The following PRKAR2B variants were observed in gnomAD, a reference collection of about 807,000 sequenced individuals.
The protein encoded by PRKAR2B is protein kinase cAMP-dependent type II regulatory subunit beta.
A neutral mutation model predicts 49.9 loss-of-function variants in PRKAR2B; 14 were observed. The observed-to-expected ratio is 0.28, with a 90% CI of 0.19 to 0.44. The LOEUF (loss-of-function observed/expected upper bound fraction) is 0.44. Among genes scored for constraint, PRKAR2B ranks in the 20% least tolerant of loss-of-function variants. The pLI is 1.00. For missense variants in PRKAR2B, 393 were observed against 537.9 expected (o/e 0.73, Z 2.67); for synonymous variants, 196 against 197.7 (o/e 0.99, Z 0.07).
chr7:107,092,810 C>G (rs1480736297), intron 2 of PRKAR2B, among the ~76,000 whole-genome samples: 1 of 152,164 alleles, frequency 6.6e-6, no homozygotes, highest in African/African-American at 2.4e-5. Flanking sequence ...CCCATTATCA[C>G]CATCCATCCA....
intron 1 of PRKAR2B, among the ~76,000 whole-genome samples, chr7:107,062,919 A>G (rs1171988285): frequency 1.3e-5 from 2 of 152,142 alleles, no homozygotes; most frequent in Non-Finnish European, 2.9e-5. Context: ...GTCAAGCTCT[A>G]GTGTTAAAAG....
At chr7:107,108,736 C>A (rs1795120570) in intron 2 of PRKAR2B, among the ~76,000 whole-genome samples, 1 of 152,312 alleles carries the variant, frequency 6.6e-6, no homozygotes, top group Admixed American at 6.5e-5. Flanking sequence ...GTTAGAGCTC[C>A]ATAGTGTTAT....
intron 2 of PRKAR2B, among the ~76,000 whole-genome samples, chr7:107,095,674 C>T (rs1183781621): frequency 6.6e-6 from 1 of 152,098 alleles, no homozygotes; most frequent in Non-Finnish European, 1.5e-5. Context: ...TGAGATATGT[C>T]CCATCAGTAC....
chr7:107,124,818 A>G (rs1296801135), intron 3 of PRKAR2B, among the ~76,000 whole-genome samples: 1 of 152,094 alleles, frequency 6.6e-6, no homozygotes, highest in Non-Finnish European at 1.5e-5. Flanking sequence ...GCAGAAATTT[A>G]GAGCAGAAGT....
intron 2 of PRKAR2B, among the ~76,000 whole-genome samples, chr7:107,093,372 C>T (rs1425911886): frequency 6.6e-6 from 1 of 152,150 alleles, no homozygotes; most frequent in Non-Finnish European, 1.5e-5. Context: ...AGATCTTTAC[C>T]AATACCTGTT....
At chr7:107,132,874 G>A (rs774728125) in intron 4 of PRKAR2B, among the ~76,000 whole-genome samples, 3 of 152,030 alleles carry the variant, frequency 2.0e-5, no homozygotes, top group Non-Finnish European at 2.9e-5. Context: ...CATATGTTGA[G>A]CACAGCATTT....
At chr7:107,069,083 T>C (rs1428136261) in intron 1 of PRKAR2B, among the ~76,000 whole-genome samples, 1 of 152,104 alleles carries the variant, frequency 6.6e-6, no homozygotes, top group African/African-American at 2.4e-5. Flanking sequence ...TAGAGGCACC[T>C]GTCACCATGC....
At chr7:107,128,918 C>T (rs1045231240) in intron 4 of PRKAR2B, 2 of 150,994 alleles carry the variant, frequency 1.3e-5, no homozygotes, top group African/African-American at 4.9e-5. Flanking sequence ...CTGTGATGTA[C>T]ATATTCTGCT....
intron 2 of PRKAR2B, among the ~76,000 whole-genome samples, chr7:107,108,748 G>T (rs915922319): frequency 6.6e-6 from 1 of 152,198 alleles, no homozygotes; most frequent in Non-Finnish European, 1.5e-5. Context: ...TAGTGTTATA[G>T]CTCCAGAGCC....
chr7:107,123,255 C>T (rs1795420969), intron 3 of PRKAR2B, among the ~76,000 whole-genome samples: 1 of 152,166 alleles, frequency 6.6e-6, no homozygotes, highest in African/African-American at 2.4e-5. Context: ...CTCATTGATT[C>T]AAAAGCTGTT....
chr7:107,059,524 G>A (rs1266583914), intron 1 of PRKAR2B, among the ~76,000 whole-genome samples: 2 of 151,268 alleles, frequency 1.3e-5, no homozygotes, highest in South Asian at 2.1e-4. Flanking sequence ...CCATCAACTT[G>A]TTTTTGAGAA....
chr7:107,097,202 G>T (rs1397525219), intron 2 of PRKAR2B, among the ~76,000 whole-genome samples: 2 of 152,116 alleles, frequency 1.3e-5, no homozygotes, highest in Non-Finnish European at 2.9e-5. Flanking sequence ...TCCTGTATTG[G>T]GTGCATATAC....
At chr7:107,115,926 G>C (rs572129025) in intron 2 of PRKAR2B, among the ~76,000 whole-genome samples, 41 of 152,166 alleles carry the variant, frequency 2.7e-4, no homozygotes, top group Non-Finnish European at 5.0e-4. Context: ...CTTCCAAATT[G>C]CAGAGGCTCC....
chr7:107,105,837 G>A (rs1192215002), intron 2 of PRKAR2B, among the ~76,000 whole-genome samples: 2 of 152,148 alleles, frequency 1.3e-5, no homozygotes, highest in African/African-American at 4.8e-5. Context: ...TCCTCGAGAT[G>A]GATAACCCTG....
At chr7:107,102,852 G>T (rs1341196463) in intron 2 of PRKAR2B, among the ~76,000 whole-genome samples, 1 of 151,962 alleles carries the variant, frequency 6.6e-6, no homozygotes, top group Non-Finnish European at 1.5e-5. Flanking sequence ...TGTATTTTTA[G>T]TGGAGATGGG....
At chr7:107,118,837 T>C (rs1463899483) in intron 2 of PRKAR2B, among the ~76,000 whole-genome samples, 1 of 152,206 alleles carries the variant, frequency 6.6e-6, no homozygotes, top group Non-Finnish European at 1.5e-5. Flanking sequence ...TAAGGCACGA[T>C]GACAGCTTTA....
chr7:107,134,963 GA>G (rs1397899494), intron 4 of PRKAR2B, among the ~76,000 whole-genome samples: 1 of 151,732 alleles, frequency 6.6e-6, no homozygotes, highest in Non-Finnish European at 1.5e-5. Context: ...AAGCAGAAAA[GA>G]AAAAAGATAA....
chr7:107,138,455 C>T (rs1795737490), intron 4 of PRKAR2B, among the ~76,000 whole-genome samples: 1 of 152,136 alleles, frequency 6.6e-6, no homozygotes, highest in Non-Finnish European at 1.5e-5. Flanking sequence ...ATTCTGTTGC[C>T]CAGGCTGGAG....
chr7:107,076,209 C>T (rs1428236352), intron 2 of PRKAR2B, among the ~76,000 whole-genome samples: 2 of 152,060 alleles, frequency 1.3e-5, no homozygotes, highest in African/African-American at 2.4e-5. Context: ...CAGCCTGTAT[C>T]TCCTAAGAAA....
Sources: gnomAD v4.1 joint callset for allele counts (sites outside exome capture counted in the v4.1 genomes callset) on GRCh38, gnomAD v4.1.1 for gene constraint, MANE v1.5 for transcripts, NCBI Gene and HGNC (gene_info 2026-07-23, HGNC 2026-07-21) for gene names.